Variants in SHROOM3 observed in about 807,000 individuals in gnomAD.
SHROOM3 encodes the protein shroom family member 3.
Under a neutral mutation model 138.6 loss-of-function variants are expected in SHROOM3, and 47 were observed. The observed-to-expected ratio is 0.34, with a 90% confidence interval of 0.27 to 0.43. The LOEUF is 0.43. SHROOM3 is among the 20% of genes least tolerant of loss of function. The probability of loss-of-function intolerance (pLI) is 1.00; values close to 1 mark genes in which losing one functional copy is unlikely to be tolerated. For synonymous variants in SHROOM3, 1,062 were observed against 1,063.3 expected (o/e 1.00, Z 0.02); for missense variants, 2,491 against 2,596.5 (o/e 0.96, Z 0.88).
chr4:76,545,559 T>C (rs1223961236), intron 1 of SHROOM3, among the ~76,000 whole-genome samples: 1 of 152,226 alleles, frequency 6.6e-6, no homozygotes, highest in Admixed American at 6.5e-5. Context: ...AAATAACCTA[T>C]CTCCTCCTCT....
chr4:76,540,390 C>A (rs1323276388), intron 1 of SHROOM3, among the ~76,000 whole-genome samples: 2 of 152,098 alleles, frequency 1.3e-5, no homozygotes, highest in Non-Finnish European at 2.9e-5. Flanking sequence ...TTGTTGCAAG[C>A]CAAGTTCTAA....
intron 6 of SHROOM3, among the ~76,000 whole-genome samples, chr4:76,753,935 T>G (rs894966149): frequency 6.6e-6 from 1 of 152,228 alleles, no homozygotes; most frequent in Non-Finnish European, 1.5e-5. Context: ...CTGGGAGCTA[T>G]TTCCTGAAGT....
intron 1 of SHROOM3, among the ~76,000 whole-genome samples, chr4:76,521,293 T>TGC (rs372951388): frequency 1.3e-3 from 194 of 151,848 alleles, no homozygotes; most frequent in African/African-American, 4.4e-3. Flanking sequence ...TGTGTGTGTG[T>TGC]GCGCACATAT....
At chr4:76,649,128 T>A (rs1163192604) in intron 2 of SHROOM3, among the ~76,000 whole-genome samples, 3 of 152,190 alleles carry the variant, frequency 2.0e-5, no homozygotes, top group African/African-American at 7.2e-5. Flanking sequence ...ACCATTTTGC[T>A]GGGGGATGAA....
intron 1 of SHROOM3, among the ~76,000 whole-genome samples, chr4:76,519,529 C>T (rs1189210033): frequency 6.6e-6 from 1 of 152,098 alleles, no homozygotes; most frequent in Non-Finnish European, 1.5e-5. Context: ...TAATGAATCG[C>T]AGTTGGTCTC....
chr4:76,602,220 C>T (rs924026602), intron 2 of SHROOM3, among the ~76,000 whole-genome samples: 3 of 152,058 alleles, frequency 2.0e-5, no homozygotes, highest in African/African-American at 7.2e-5. Flanking sequence ...CATCCCAATC[C>T]CTATGATAAG....
chr4:76,459,176 A>G (rs1731091063), intron 1 of SHROOM3, among the ~76,000 whole-genome samples: 1 of 152,204 alleles, frequency 6.6e-6, no homozygotes, highest in African/African-American at 2.4e-5. Flanking sequence ...GAACATAACC[A>G]GTAAAGGAAA....
intron 1 of SHROOM3, among the ~76,000 whole-genome samples, chr4:76,541,367 T>C (rs1356699287): frequency 6.6e-6 from 1 of 152,106 alleles, no homozygotes; most frequent in Admixed American, 6.5e-5. Flanking sequence ...TAAAGAAAAT[T>C]TTTAAAATTA....
At chr4:76,493,956 G>A (rs1456002949) in intron 1 of SHROOM3, among the ~76,000 whole-genome samples, 1 of 152,156 alleles carries the variant, frequency 6.6e-6, no homozygotes, top group African/African-American at 2.4e-5. Flanking sequence ...TCCAGCTTGG[G>A]CAACAAGAGT....
chr4:76,448,399 G>A (rs960356534), intron 1 of SHROOM3, among the ~76,000 whole-genome samples: 1 of 152,102 alleles, frequency 6.6e-6, no homozygotes, highest in Non-Finnish European at 1.5e-5. Flanking sequence ...CTTCATTTCT[G>A]TGTGCATTGG....
intron 2 of SHROOM3, among the ~76,000 whole-genome samples, chr4:76,567,310 G>A (rs933328531): frequency 1.3e-5 from 2 of 152,134 alleles, no homozygotes; most frequent in Non-Finnish European, 2.9e-5. Context: ...CGAGGTGGGT[G>A]GATCATTTGA....
intron 1 of SHROOM3, among the ~76,000 whole-genome samples, chr4:76,528,189 A>T: frequency 1.3e-5 from 2 of 152,260 alleles, no homozygotes; most frequent in Middle Eastern, 3.4e-3. Context: ...AAGTAATTTT[A>T]TTTCTCTATA....
intron 2 of SHROOM3, among the ~76,000 whole-genome samples, chr4:76,649,927 C>T (rs1192250238): frequency 6.6e-6 from 1 of 152,156 alleles, no homozygotes; most frequent in Non-Finnish European, 1.5e-5. Context: ...TTTTTGACAG[C>T]TCTGGTGGCT....
chr4:76,450,507 A>G (rs1730905131), intron 1 of SHROOM3, among the ~76,000 whole-genome samples: 1 of 152,232 alleles, frequency 6.6e-6, no homozygotes, highest in African/African-American at 2.4e-5. Flanking sequence ...CAACTGAATA[A>G]ACAAAATGTG....
At chr4:76,712,310 C>T (rs373474583) in intron 3 of SHROOM3, among the ~76,000 whole-genome samples, 27 of 152,230 alleles carry the variant, frequency 1.8e-4, no homozygotes, top group African/African-American at 6.3e-4. Context: ...TAAAGAGTGA[C>T]TGCTGAGTTG....
In SHROOM3 at chr4:76,464,515, G is replaced by A. The variant is rs529787550; in HGVS notation, c.168+28295G>A. ...AATGCTGGAATGAGTTAAAACTCGGGGGGACTGTTGGGAAGGCATAATTAT... is the reference window on the plus strand; with the variant it reads ...AATGCTGGAATGAGTTAAAACTCGGAGGGACTGTTGGGAAGGCATAATTAT... On this transcript the variant is annotated intron_variant, in intron 1 of 10. Coordinates refer to ENST00000296043, the MANE Select transcript of SHROOM3 (RefSeq NM_020859.4). Among the ~76,000 whole-genome samples the A allele has an allele frequency of 2.6e-5, 4 of 152,230 alleles. No homozygotes were observed. The South Asian group carries it at 8.3e-4, about 32-fold the overall frequency.
chr4:76,738,369 C>A (rs980668859), intron 4 of SHROOM3, among the ~76,000 whole-genome samples: 2 of 152,234 alleles, frequency 1.3e-5, no homozygotes, highest in African/African-American at 4.8e-5. Context: ...CCTCTTCCCA[C>A]AAACAGCCCC....
At chr4:76,682,055 T>G (rs544155116) in intron 2 of SHROOM3, among the ~76,000 whole-genome samples, 4 of 152,294 alleles carry the variant, frequency 2.6e-5, no homozygotes, top group African/African-American at 9.6e-5. Context: ...TGCCTTTCTT[T>G]GTTAGTCCTA....
intron 2 of SHROOM3, among the ~76,000 whole-genome samples, chr4:76,695,794 G>A (rs1719709633): frequency 6.6e-6 from 1 of 152,182 alleles, no homozygotes. Context: ...CCTCTCCATT[G>A]CAGTGTGGAG....
Sources: gnomAD v4.1 joint callset for allele counts (sites outside exome capture counted in the v4.1 genomes callset) on GRCh38, gnomAD v4.1.1 for gene constraint, MANE v1.5 for transcripts, NCBI Gene and HGNC (gene_info 2026-07-23, HGNC 2026-07-21) for gene names.